The following IQCK variants were observed in gnomAD, a reference collection of about 807,000 sequenced individuals.
IQCK encodes the protein IQ domain-containing protein K.
A neutral mutation model predicts 28.1 loss-of-function variants in IQCK; 29 were observed. The ratio of observed to expected loss-of-function variants is 1.03; its 90% CI spans 0.77 to 1.41. The LOEUF (loss-of-function observed/expected upper bound fraction) is 1.41. IQCK is among the 40% of genes most tolerant of loss of function. The pLI is 0.00. For missense variants in IQCK, 359 were observed against 314.7 expected (o/e 1.14, Z -1.07); for synonymous variants, 113 against 115.1 (o/e 0.98, Z 0.12).
exon 10 of IQCK, chr16:19,856,843 A>G (rs1254503177): frequency 1.5e-5 from 5 of 337,368 alleles, no homozygotes; most frequent in Middle Eastern, 8.8e-4. Context: ...AAAATGTACA[A>G]TGAACTCTAG....
chr16:19,830,096 A>T (rs1441507230), downstream of IQCK, among the ~76,000 whole-genome samples: 2 of 152,232 alleles, frequency 1.3e-5, no homozygotes, highest in African/African-American at 4.8e-5. Context: ...TTCCTGGTGC[A>T]GAGTAGGAGC....
At chr16:19,816,764 T>C (rs1311022412) in intron 7 of IQCK, among the ~76,000 whole-genome samples, 1 of 152,232 alleles carries the variant, frequency 6.6e-6, no homozygotes, top group Non-Finnish European at 1.5e-5. Context: ...CAGAGCTGAA[T>C]CCAGATTATT....
chr16:19,743,272 A>G (rs2054862578), intron 4 of IQCK, among the ~76,000 whole-genome samples: 1 of 152,232 alleles, frequency 6.6e-6, no homozygotes, highest in Admixed American at 6.5e-5. Flanking sequence ...AGTTTGTTGT[A>G]GTTATTACAC....
rs113572863 is a variant in IQCK, at chr16:19,847,923, C to T, written c.803-8564C>T. ...GCTTGAGCCATCCTCCAGCCTTGGC[C>T]TCCCAAAGTGCTGGGATTATAGGCA... On this transcript the variant is annotated intron_variant, in intron 9 of 9. Transcript: ENST00000320394. 3.6e-3 allele frequency among the ~76,000 whole-genome samples: 552 copies of T among 152,302 alleles called. 2 individuals carry two copies. The highest frequency in any genetic ancestry group is 6.7e-3 in the Non-Finnish European group (457 of 68,036).
intron 1 of IQCK, among the ~76,000 whole-genome samples, chr16:19,729,283 T>C (rs555015181): frequency 6.6e-6 from 1 of 152,288 alleles, no homozygotes; most frequent in African/African-American, 2.4e-5. Flanking sequence ...AATTTTTGTA[T>C]TTTTAGTGGA....
chr16:19,820,298 C>CT (rs2056052771), intron 7 of IQCK, among the ~76,000 whole-genome samples: 1 of 152,116 alleles, frequency 6.6e-6, no homozygotes, highest in Admixed American at 6.6e-5. Flanking sequence ...GGGTGGATCG[C>CT]TTGAGGTCAG....
intron 6 of IQCK, among the ~76,000 whole-genome samples, chr16:19,780,025 ATTT>A (rs2055456250): frequency 1.0e-5 from 1 of 99,170 alleles, no homozygotes; most frequent in Non-Finnish European, 1.7e-5. Flanking sequence ...AGCCTTATTT[ATTT>A]ATTTATTTAT....
intron 7 of IQCK, among the ~76,000 whole-genome samples, chr16:19,805,261 A>G (rs921528506): frequency 9.9e-5 from 15 of 152,142 alleles, no homozygotes; most frequent in Non-Finnish European, 1.9e-4. Context: ...AGCTTGGTGT[A>G]TGAGTCACAT....
downstream of IQCK, among the ~76,000 whole-genome samples, chr16:19,828,998 A>T (rs1046992963): frequency 1.4e-5 from 2 of 144,504 alleles, no homozygotes; most frequent in African/African-American, 5.0e-5. Flanking sequence ...AATTAAATAT[A>T]TATAAATATA....
chr16:19,743,932 C>T (rs1392119760), intron 4 of IQCK, among the ~76,000 whole-genome samples: 1 of 152,188 alleles, frequency 6.6e-6, no homozygotes, highest in African/African-American at 2.4e-5. Context: ...AATTACTATG[C>T]CATAGAGCAT....
chr16:19,786,271 C>T (rs564081384), intron 6 of IQCK, among the ~76,000 whole-genome samples: 51 of 152,134 alleles, frequency 3.4e-4, no homozygotes, highest in Non-Finnish European at 6.2e-4. Context: ...ACAGGGAGCC[C>T]GGGCGGGGCG....
In IQCK at chr16:19,737,376, C is replaced by G. The variant is rs535737253; in HGVS notation, c.474+1926C>G. Among the ~76,000 whole-genome samples, 248 of 152,246 alleles carry G rather than the reference C, an allele frequency of 1.6e-3. 1 individual carries two copies. Among genetic ancestry groups the G allele is most frequent in the African/African-American group, 5.5e-3 (229 of 41,556 alleles). On this transcript the variant is annotated intron_variant, in intron 4 of 7. Coordinates refer to ENST00000564186, the Ensembl canonical transcript of IQCK. The stretch of plus-strand genomic sequence containing the variant: ...AGGTTTTCCCATGTTCTAGCAAATA[C>G]CCGATGTTTCCTCAGCAATGCCTTC...
intron 6 of IQCK, among the ~76,000 whole-genome samples, chr16:19,784,757 G>A (rs752944625): frequency 1.3e-5 from 2 of 152,148 alleles, no homozygotes; most frequent in Admixed American, 1.3e-4. Flanking sequence ...GTAATCAAAG[G>A]ACATTTTTCA....
intron 4 of IQCK, among the ~76,000 whole-genome samples, chr16:19,737,738 C>T (rs544493666): frequency 3.1e-4 from 47 of 152,206 alleles, no homozygotes; most frequent in African/African-American, 9.9e-4. Context: ...GTCTCTCCCC[C>T]GCAGTGCTCC....
chr16:19,736,807 A>T (rs768362908), intron 4 of IQCK, among the ~76,000 whole-genome samples: 2 of 152,062 alleles, frequency 1.3e-5, no homozygotes, highest in Non-Finnish European at 2.9e-5. Flanking sequence ...AATGTGATCA[A>T]GGGTGAATGG....
At chr16:19,782,196 T>C (rs887997498) in intron 6 of IQCK, among the ~76,000 whole-genome samples, 2 of 151,726 alleles carry the variant, frequency 1.3e-5, no homozygotes, top group Admixed American at 1.3e-4. Context: ...TGCTTTCATG[T>C]TCCAAGAAAA....
chr16:19,853,453 G>T, intron 9 of IQCK, among the ~76,000 whole-genome samples: 1 of 152,208 alleles, frequency 6.6e-6, no homozygotes, highest in East Asian at 1.9e-4. Context: ...CAACAAGGTT[G>T]TCAAGGTATG....
chr16:19,852,765 G>A (rs2056500662), intron 9 of IQCK, among the ~76,000 whole-genome samples: 1 of 151,826 alleles, frequency 6.6e-6, no homozygotes, highest in South Asian at 2.1e-4. Flanking sequence ...TGGGACTACA[G>A]GTGCCCGCCA....
intron 9 of IQCK, among the ~76,000 whole-genome samples, chr16:19,841,362 G>A (rs1435498683): frequency 2.6e-5 from 4 of 152,080 alleles, no homozygotes; most frequent in Admixed American, 1.3e-4. Flanking sequence ...TTTTCTTCTC[G>A]TGGCATCCAG....
Sources: allele counts gnomAD v4.1 joint callset (sites outside exome capture counted in the v4.1 genomes callset), GRCh38; gene constraint gnomAD v4.1.1; transcripts MANE v1.5; gene names NCBI Gene and HGNC (gene_info 2026-07-23, HGNC 2026-07-21).